SLC24A2: variants seen among roughly 807,000 people sequenced by gnomAD.
SLC24A2 encodes solute carrier family 24 member 2, also known as sodium/potassium/calcium exchanger 2.
SLC24A2 carries 36 observed loss-of-function variants against 62.0 expected under a neutral mutation model. The ratio of observed to expected loss-of-function variants is 0.58; its 90% CI spans 0.44 to 0.77. The LOEUF is 0.77. Ranked by LOEUF, SLC24A2 falls within the 30% of genes least tolerant of loss-of-function variation. The pLI is 0.00. For missense variants in SLC24A2, 846 were observed against 817.9 expected (o/e 1.03, Z -0.42); for synonymous variants, 358 against 294.0 (o/e 1.22, Z -2.23).
intron 2 of SLC24A2, among the ~76,000 whole-genome samples, chr9:19,688,013 C>T (rs1209738103): frequency 1.3e-5 from 2 of 152,052 alleles, no homozygotes; most frequent in African/African-American, 4.8e-5. Context: ...CATTAAACTG[C>T]CAGGCAATAT....
At chr9:20,019,911 G>C in the SLC24A2 span, among the ~76,000 whole-genome samples, 1 of 149,276 alleles carries the variant, frequency 6.7e-6, no homozygotes, top group Admixed American at 6.7e-5. Flanking sequence ...GTGGGTAAAG[G>C]ATAAGAACAG....
the SLC24A2 span, among the ~76,000 whole-genome samples, chr9:19,966,296 A>C: frequency 6.6e-5 from 10 of 152,296 alleles, no homozygotes; most frequent in African/African-American, 2.4e-4. Context: ...AATAATTAAT[A>C]ATAGAGTTGG....
chr9:19,698,011 A>T (rs1195956950), intron 2 of SLC24A2, among the ~76,000 whole-genome samples: 1 of 152,206 alleles, frequency 6.6e-6, no homozygotes, highest in African/African-American at 2.4e-5. Context: ...TTTAATATGG[A>T]AACATTTTTA....
At chr9:20,047,887 T>A in the SLC24A2 span, among the ~76,000 whole-genome samples, 3 of 151,810 alleles carry the variant, frequency 2.0e-5, no homozygotes, top group Non-Finnish European at 4.4e-5. Context: ...GGTTTGTTTG[T>A]AATAGATAAA....
At chr9:20,236,268 C>A in the SLC24A2 span, among the ~76,000 whole-genome samples, 2 of 152,186 alleles carry the variant, frequency 1.3e-5, no homozygotes, top group Non-Finnish European at 2.9e-5. Flanking sequence ...GCATGGCACC[C>A]TGACAGGTAA....
intron 2 of SLC24A2, among the ~76,000 whole-genome samples, chr9:19,637,920 GT>G (rs1176646598): frequency 1.3e-5 from 2 of 152,184 alleles, no homozygotes; most frequent in Non-Finnish European, 2.9e-5. Context: ...GTATTGGGGG[GT>G]AGTTTGCTTG....
the SLC24A2 span, among the ~76,000 whole-genome samples, chr9:20,064,292 A>G: frequency 6.6e-6 from 1 of 152,206 alleles, no homozygotes; most frequent in Non-Finnish European, 1.5e-5. Flanking sequence ...CAGAGAGTAG[A>G]TCAATGGTTG....
the SLC24A2 span, among the ~76,000 whole-genome samples, chr9:20,192,855 G>T: frequency 6.6e-6 from 1 of 152,252 alleles, no homozygotes; most frequent in East Asian, 1.9e-4. Flanking sequence ...GAGCCAGCAA[G>T]ACTTCCCCTC....
the SLC24A2 span, chr9:19,927,562 G>A: frequency 6.6e-6 from 1 of 152,286 alleles, no homozygotes; most frequent in South Asian, 2.1e-4. Flanking sequence ...TGCCATGATA[G>A]AAACATTTCA....
intron 2 of SLC24A2, among the ~76,000 whole-genome samples, chr9:19,624,148 A>G (rs979987069): frequency 6.6e-6 from 1 of 152,198 alleles, no homozygotes; most frequent in Non-Finnish European, 1.5e-5. Flanking sequence ...CTCACAGTCT[A>G]CAGGGCAATC....
At chr9:19,865,568 T>C in the SLC24A2 span, among the ~76,000 whole-genome samples, 304 of 152,246 alleles carry the variant, frequency 2.0e-3, 5 homozygotes, top group Admixed American at 0.018. Flanking sequence ...GAACTCCTTT[T>C]TCACAAAGGT....
At chr9:19,706,958 A>G (rs1289956238) in intron 2 of SLC24A2, among the ~76,000 whole-genome samples, 2 of 151,968 alleles carry the variant, frequency 1.3e-5, no homozygotes, top group East Asian at 3.8e-4. Flanking sequence ...AAAATTAATG[A>G]ATCCAGGAGC....
In SLC24A2 at chr9:19,718,324, G is replaced by C. The variant is rs941855414; in HGVS notation, c.930+67613C>G. Among the ~76,000 whole-genome samples the C allele has an allele frequency of 2.4e-5, 3 of 124,902 alleles. No individual in the cohort carries two copies. In the Admixed American group the frequency reaches 2.8e-4, roughly 12 times the overall value. 81.9% of individuals were successfully genotyped at this position (124,902 alleles called of 152,430 possible). ...TTTTTTTTTTTTTAGACAGGGTCTGGCTCTGTCACCAAGGCTGGAGTGCAG... is the reference window on the plus strand; with the variant it reads ...TTTTTTTTTTTTTAGACAGGGTCTGCCTCTGTCACCAAGGCTGGAGTGCAG... On this transcript the variant is annotated intron_variant, in intron 2 of 10. Transcript: ENST00000341998.
chr9:19,733,607 G>A lies in SLC24A2; in HGVS notation c.930+52330C>T, dbSNP rs1821404960. ...AATGAATGAAAAATCATGAATAGAG[G>A]AAATCTGCCCACTTAGTTATTTCTG... On this transcript the variant is annotated intron_variant, in intron 2 of 10. Transcript: ENST00000341998. 2.0e-5 allele frequency among the ~76,000 whole-genome samples: 3 copies of A among 152,248 alleles called. No homozygotes were observed. The South Asian group carries it at 6.2e-4, about 32-fold the overall frequency.
At chr9:20,111,225 G>T in the SLC24A2 span, among the ~76,000 whole-genome samples, 1 of 152,162 alleles carries the variant, frequency 6.6e-6, no homozygotes, top group Non-Finnish European at 1.5e-5. Context: ...AGAGCAGGAA[G>T]AGGGTGACAG....
At chr9:20,082,397 C>T in the SLC24A2 span, among the ~76,000 whole-genome samples, 1 of 152,224 alleles carries the variant, frequency 6.6e-6, no homozygotes, top group Non-Finnish European at 1.5e-5. Context: ...ATCCACATGA[C>T]CCTCTTCTCC....
the SLC24A2 span, among the ~76,000 whole-genome samples, chr9:19,863,458 T>C: frequency 1.3e-5 from 2 of 151,934 alleles, no homozygotes; most frequent in African/African-American, 4.8e-5. Flanking sequence ...AGAGAGACCA[T>C]ATGTTAGGTC....
chr9:19,911,869 G>T, the SLC24A2 span, among the ~76,000 whole-genome samples: 1 of 152,044 alleles, frequency 6.6e-6, no homozygotes, highest in East Asian at 1.9e-4. Context: ...ACTAAAATCA[G>T]ACATTTAAGG....
intron 2 of SLC24A2, among the ~76,000 whole-genome samples, chr9:19,692,401 A>G (rs1820069581): frequency 6.6e-6 from 1 of 152,144 alleles, no homozygotes; most frequent in Admixed American, 6.6e-5. Context: ...TAGAAAAAAT[A>G]GACTGTAATT....
Sources: allele counts gnomAD v4.1 joint callset (sites outside exome capture counted in the v4.1 genomes callset), GRCh38; gene constraint gnomAD v4.1.1; transcripts MANE v1.5; gene names NCBI Gene and HGNC (gene_info 2026-07-23, HGNC 2026-07-21).